The following GNG4 variants were observed in gnomAD, a reference collection of about 807,000 sequenced individuals.
The protein encoded by GNG4 is guanine nucleotide-binding protein G(I)/G(S)/G(O) subunit gamma-4.
A neutral mutation model predicts 5.8 loss-of-function variants in GNG4; 4 were observed. That is an observed-to-expected ratio of 0.69 (90% CI 0.34 to 1.57). The LOEUF (loss-of-function observed/expected upper bound fraction) is 1.57. GNG4 is among the 40% of genes most tolerant of loss of function. The pLI is 0.06. For synonymous variants in GNG4, 29 were observed against 32.9 expected (o/e 0.88, Z 0.41); for missense variants, 96 against 95.1 (o/e 1.01, Z -0.04).
At chr1:235,580,488 C>T (rs2102938442) in intron 3 of GNG4, among the ~76,000 whole-genome samples, 1 of 152,302 alleles carries the variant, frequency 6.6e-6, no homozygotes, top group South Asian at 2.1e-4. Flanking sequence ...AAAACAAAAA[C>T]CACCCATGTG....
At chr1:235,556,734 C>G (rs291355) in intron 3 of GNG4, among the ~76,000 whole-genome samples, 32 of 151,626 alleles carry the variant, frequency 2.1e-4, no homozygotes, top group Non-Finnish European at 4.3e-4. Flanking sequence ...TTATCGTACA[C>G]TTTATTTCTG....
At chr1:235,623,298 C>T (rs1688745425) in intron 1 of GNG4, among the ~76,000 whole-genome samples, 1 of 152,150 alleles carries the variant, frequency 6.6e-6, no homozygotes, top group Non-Finnish European at 1.5e-5. Context: ...CAGTTCCTCT[C>T]GCCAGCCATG....
At chr1:235,623,554 G>C (rs188852766) in intron 1 of GNG4, among the ~76,000 whole-genome samples, 1 of 152,072 alleles carries the variant, frequency 6.6e-6, no homozygotes, top group African/African-American at 2.4e-5. Flanking sequence ...CAGGAGAGAC[G>C]GGCTGTAGCG....
At chr1:235,564,463 C>T (rs955544902) in intron 3 of GNG4, among the ~76,000 whole-genome samples, 1 of 152,126 alleles carries the variant, frequency 6.6e-6, no homozygotes, top group African/African-American at 2.4e-5. Context: ...AACTAAATTC[C>T]TTTTATGTTT....
chr1:235,593,950 G>C (rs116299270), intron 2 of GNG4, among the ~76,000 whole-genome samples: 5 of 152,090 alleles, frequency 3.3e-5, no homozygotes, highest in Non-Finnish European at 4.4e-5. Flanking sequence ...CCCAGCTGGC[G>C]CGGGCAGCCT....
In GNG4 at chr1:235,583,752, C is replaced by T. The variant is rs2102941819; in HGVS notation, c.87G>A (p.Met29Ile). 6.2e-7 allele frequency: 1 copy of T among 1,610,262 alleles called. No homozygotes were observed. The highest frequency in any genetic ancestry group is 8.5e-7 in the Non-Finnish European group (1 of 1,176,494). ...AVEQLKMEAC[M>I]DRVKVSQAAA... ...CATGCATGCTTACCTTGACCCTGTC[C>T]ATACAGGCTTCCATCTTTAGCTGCT... Residue 29 changes from methionine (M) to isoleucine (I), a missense_variant, in exon 3 of 4, where the codon ATG becomes ATA. Physicochemically the swap from Met to Ile is conservative, Grantham distance 10. Transcript: ENST00000391854.
Position 235,587,265 on chromosome 1 carries a change from TGTGA to T in GNG4, c.-10-3421_-10-3418del, listed in dbSNP as rs764024332. Among the ~76,000 whole-genome samples, 61 of 89,626 alleles carry T rather than the reference TGTGA, an allele frequency of 6.8e-4. 2 individuals carry two copies. In the Middle Eastern group the frequency reaches 0.038, roughly 57 times the overall value. 58.8% of individuals were successfully genotyped at this position (89,626 alleles called of 152,430 possible). Reference sequence around the variant, plus strand: ...GTGGGGTGTGTGTGATGACAGTGTATGTGAGTGTGTGTGAAGGTGTGGGTTGGGG... The same window carrying T: ...GTGGGGTGTGTGTGATGACAGTGTATGTGTGTGTGAAGGTGTGGGTTGGGG... On this transcript the variant is annotated intron_variant, in intron 2 of 3. Coordinates refer to ENST00000391854, the MANE Select transcript of GNG4 (RefSeq NM_001098722.2).
At chr1:235,587,289 TTGGGGTGTGTGTGAGGGTGAG>T (rs1687790459) in intron 2 of GNG4, among the ~76,000 whole-genome samples, 1 of 49,646 alleles carries the variant, frequency 2.0e-5, no homozygotes, top group Admixed American at 2.3e-4. Flanking sequence ...AAGGTGTGGG[TTGGGGTGTGTGTGAGGGTGAG>T]GGGTGTGTGT....
At chr1:235,565,466 T>A (rs490301) in intron 3 of GNG4, among the ~76,000 whole-genome samples, 94,849 of 152,058 alleles carry the variant, frequency 0.62, 30,122 homozygotes, top group East Asian at 0.8. Context: ...ATCGTGCCAC[T>A]GCACTCTAGC....
Position 235,583,810 on chromosome 1 carries a change from G to A in GNG4, c.29C>T (p.Thr10Ile), listed in dbSNP as rs770548826. The change falls in exon 3 of 4, where the codon ACC (threonine) becomes ATC (isoleucine). Residue 10 changes from threonine to isoleucine, a missense_variant. Transcript: ENST00000391854. MKEGMSNNS[T>I]TSISQARKAV... is the part of the protein sequence containing the mutation. ...TTTCCTGGCTTGGGAGATGCTAGTG[G>A]TGCTGTTATTAGACATGCCCTCTTT... 3 of 1,613,546 alleles carry A rather than the reference G, an allele frequency of 1.9e-6. No homozygotes were observed. The South Asian group carries it at 3.3e-5, about 18-fold the overall frequency.
chr1:235,601,070 T>G (rs915893582), intron 1 of GNG4, among the ~76,000 whole-genome samples: 2 of 152,240 alleles, frequency 1.3e-5, no homozygotes, highest in African/African-American at 4.8e-5. Context: ...CTAAATTAAC[T>G]CTGGGTTGTG....
intron 3 of GNG4, among the ~76,000 whole-genome samples, chr1:235,582,419 C>G (rs1687661083): frequency 6.6e-6 from 1 of 152,228 alleles, no homozygotes; most frequent in African/African-American, 2.4e-5. Context: ...CAGAGCCAGC[C>G]ATAGCTCACA....
In GNG4 at chr1:235,593,148, C is replaced by A. The variant is rs550085303; in HGVS notation, c.-11+2252G>T. Among the ~76,000 whole-genome samples the A allele has an allele frequency of 2.0e-5, 3 of 152,242 alleles. No homozygotes were observed. The South Asian group carries it at 6.2e-4, about 32-fold the overall frequency. ...ATTTTTAGTAGAGATGGGGTTTCAC[C>A]ATGTTGGCCAGGCTGATCTTGAACT... On this transcript the variant is annotated intron_variant, in intron 2 of 3. Coordinates refer to ENST00000391854, the MANE Select transcript of GNG4 (RefSeq NM_001098722.2).
At chr1:235,587,592 A>AATGGGGTGGATGT (rs1558486307) in intron 2 of GNG4, among the ~76,000 whole-genome samples, 1 of 722 alleles carries the variant, frequency 1.4e-3, no homozygotes, top group African/African-American at 6.2e-3. Context: ...GGTGAGTGTG[A>AATGGGGTGGATGT]GTGTGGGAGG....
intron 3 of GNG4, among the ~76,000 whole-genome samples, chr1:235,570,901 T>C (rs1395449282): frequency 1.6e-5 from 2 of 122,368 alleles, no homozygotes; most frequent in Admixed American, 1.7e-4. Flanking sequence ...TATATATGTG[T>C]GTGTGTGTAT....
intron 1 of GNG4, among the ~76,000 whole-genome samples, chr1:235,598,202 A>G (rs934382794): frequency 3.9e-4 from 59 of 152,262 alleles, no homozygotes; most frequent in African/African-American, 1.3e-3. Flanking sequence ...CACCTCCATG[A>G]CCTTAGAGTT....
rs557520885 is a variant in GNG4 at position 235,645,659 on chromosome 1, C to T, written c.-123+4003G>A. 3.9e-5 allele frequency among the ~76,000 whole-genome samples: 6 copies of T among 151,902 alleles called. No homozygotes were observed. The South Asian group carries it at 1.0e-3, about 26-fold the overall frequency. ...CTAAAAATACAAAATTAGCCGGGCGCGGTGGCACATGCCTGTAATCCCAGC... is the reference window on the plus strand; with the variant it reads ...CTAAAAATACAAAATTAGCCGGGCGTGGTGGCACATGCCTGTAATCCCAGC... On this transcript the variant is annotated intron_variant, in intron 1 of 3. Coordinates refer to ENST00000391854, the MANE Select transcript of GNG4 (RefSeq NM_001098722.2).
intron 3 of GNG4, among the ~76,000 whole-genome samples, chr1:235,568,422 T>C (rs1687254396): frequency 6.6e-6 from 1 of 152,264 alleles, no homozygotes; most frequent in Non-Finnish European, 1.5e-5. Context: ...GGTCTTAATG[T>C]ATATTATCAT....
At chr1:235,598,366 T>G (rs1688175020) in intron 1 of GNG4, among the ~76,000 whole-genome samples, 1 of 152,156 alleles carries the variant, frequency 6.6e-6, no homozygotes, top group Non-Finnish European at 1.5e-5. Context: ...TCCCAGTGCT[T>G]TGGGAATCTG....
Sources: gnomAD v4.1 joint callset for allele counts (sites outside exome capture counted in the v4.1 genomes callset) on GRCh38, gnomAD v4.1.1 for gene constraint, MANE v1.5 for transcripts, NCBI Gene and HGNC (gene_info 2026-07-23, HGNC 2026-07-21) for gene names.